The following TTC29 variants were observed in gnomAD, a reference collection of about 807,000 sequenced individuals.
The protein encoded by TTC29 is tetratricopeptide repeat domain 29, also known as tetratricopeptide repeat protein 29.
Under a neutral mutation model 58.1 loss-of-function variants are expected in TTC29, and 49 were observed. The observed-to-expected ratio is 0.84, with a 90% CI of 0.67 to 1.07. The LOEUF (loss-of-function observed/expected upper bound fraction) is 1.07, where lower values mean the gene tolerates loss of function less well. Ranked by LOEUF, TTC29 falls within the 50% of genes least tolerant of loss-of-function variation. The pLI is 0.00. For synonymous variants in TTC29, 209 were observed against 196.8 expected, an observed-to-expected ratio of 1.06 and a Z score of -0.52; for missense variants, 582 against 555.6, an observed-to-expected ratio of 1.05 and a Z score of -0.48.
chr4:146,730,982 A>G (rs1377397777), intron 11 of TTC29, among the ~76,000 whole-genome samples: 1 of 152,202 alleles, frequency 6.6e-6, no homozygotes, highest in Non-Finnish European at 1.5e-5. Context: ...GAGAAACCAT[A>G]GCATTTTTCT....
chr4:146,819,997 C>A, intron 10 of TTC29, 128 bp downstream of exon 10: 3 of 1,208,040 alleles, frequency 2.5e-6, no homozygotes, highest in East Asian at 2.4e-5. Flanking sequence ...CTACACCCTG[C>A]AGTCCAGGGC....
chr4:146,895,683 A>G (rs1225153192), intron 6 of TTC29, among the ~76,000 whole-genome samples: 1 of 152,158 alleles, frequency 6.6e-6, no homozygotes, highest in Non-Finnish European at 1.5e-5. Flanking sequence ...TGATTAGAAC[A>G]GATTAAAGCT....
chr4:146,853,614 A>G (rs1729649128), intron 8 of TTC29, among the ~76,000 whole-genome samples: 1 of 152,170 alleles, frequency 6.6e-6, no homozygotes, highest in Non-Finnish European at 1.5e-5. Flanking sequence ...TGATTTTATG[A>G]ACAATATTAC....
chr4:146,893,362 TC>T (rs1178133621), intron 6 of TTC29, among the ~76,000 whole-genome samples: 3 of 152,086 alleles, frequency 2.0e-5, no homozygotes, highest in Non-Finnish European at 4.4e-5. Flanking sequence ...AACAGAGCCC[TC>T]AAAAATAATG....
intron 11 of TTC29, among the ~76,000 whole-genome samples, chr4:146,776,332 G>A (rs1030928317): frequency 6.6e-6 from 1 of 152,072 alleles, no homozygotes; most frequent in African/African-American, 2.4e-5. Context: ...GGGAACTAGT[G>A]GTAAGAAGAC....
intron 11 of TTC29, among the ~76,000 whole-genome samples, chr4:146,801,222 G>T (rs771328150): frequency 2.0e-5 from 3 of 152,208 alleles, no homozygotes; most frequent in East Asian, 3.9e-4. Context: ...GGTTCAAGAA[G>T]TATTTTTGAA....
At chr4:146,936,669 C>A (rs1246356637) in intron 4 of TTC29, among the ~76,000 whole-genome samples, 1 of 151,956 alleles carries the variant, frequency 6.6e-6, no homozygotes, top group Non-Finnish European at 1.5e-5. Context: ...CTGTGTTTTT[C>A]CATGTTATAT....
At chr4:146,892,276 G>C (rs1000124760) in intron 6 of TTC29, among the ~76,000 whole-genome samples, 1 of 152,094 alleles carries the variant, frequency 6.6e-6, no homozygotes, top group Non-Finnish European at 1.5e-5. Context: ...TGAGTTTCCT[G>C]AGGCCACCAC....
intron 3 of TTC29, 45 bp from the exon 4 acceptor site, chr4:146,937,722 TG>T: frequency 8.4e-7 from 1 of 1,187,746 alleles, no homozygotes; most frequent in Non-Finnish European, 1.2e-6. Flanking sequence ...CTTATCAAGT[TG>T]AAAAGCTACC....
chr4:146,856,384 T>A (rs1357014553), intron 8 of TTC29, among the ~76,000 whole-genome samples: 1 of 152,032 alleles, frequency 6.6e-6, no homozygotes, highest in East Asian at 1.9e-4. Context: ...TAAAACCAGC[T>A]TTCATGTTAA....
chr4:146,911,793 C>T (rs1733915251), intron 4 of TTC29, among the ~76,000 whole-genome samples: 1 of 152,176 alleles, frequency 6.6e-6, no homozygotes, highest in Non-Finnish European at 1.5e-5. Context: ...AACATTCCTG[C>T]AACCACTAGC....
At chr4:146,895,255 C>A (rs1287811794) in intron 6 of TTC29, among the ~76,000 whole-genome samples, 1 of 152,118 alleles carries the variant, frequency 6.6e-6, no homozygotes, top group Non-Finnish European at 1.5e-5. Context: ...CAGGAGCTTC[C>A]AAGAAACTTG....
At chr4:146,765,739 AAGAC>A (rs1747263769) in intron 11 of TTC29, among the ~76,000 whole-genome samples, 1 of 152,156 alleles carries the variant, frequency 6.6e-6, no homozygotes, top group African/African-American at 2.4e-5. Context: ...CAGCCTTCAT[AAGAC>A]AGACAGACCT....
intron 5 of TTC29, among the ~76,000 whole-genome samples, chr4:146,905,588 G>T (rs1231742257): frequency 6.6e-6 from 1 of 151,976 alleles, no homozygotes; most frequent in South Asian, 2.1e-4. Flanking sequence ...CCAAATATGT[G>T]TCCTGTACCC....
intron 11 of TTC29, among the ~76,000 whole-genome samples, chr4:146,713,621 G>A (rs912759868): frequency 2.6e-5 from 4 of 152,132 alleles, no homozygotes; most frequent in African/African-American, 9.6e-5. Flanking sequence ...GTCAAAAACT[G>A]ACGTGTTCTT....
Position 146,833,801 on chromosome 4 carries a change from C to T in TTC29, c.977+5G>A, listed in dbSNP as rs2150157973. Reference sequence around the variant, plus strand: ...TGACAGCAAGATGAGAATGTGCTAACTTACCTCTGCAGGACCTTGGCTATG... The same window carrying T: ...TGACAGCAAGATGAGAATGTGCTAATTTACCTCTGCAGGACCTTGGCTATG... On this transcript the variant is annotated splice_donor_5th_base_variant and intron_variant, in intron 9 of 12. Coordinates refer to ENST00000325106, the MANE Select transcript of TTC29 (RefSeq NM_031956.4). The T allele has an allele frequency of 6.2e-7, 1 of 1,610,786 alleles. No individual in the cohort carries two copies.
intron 6 of TTC29, among the ~76,000 whole-genome samples, chr4:146,894,123 G>A (rs1272720636): frequency 1.3e-5 from 2 of 152,148 alleles, no homozygotes; most frequent in African/African-American, 2.4e-5. Flanking sequence ...TCAATATGGC[G>A]ATTCCTCAGG....
chr4:146,861,154 A>G (rs1037235639), intron 8 of TTC29, among the ~76,000 whole-genome samples: 2 of 152,216 alleles, frequency 1.3e-5, no homozygotes, highest in African/African-American at 4.8e-5. Context: ...AAGGAAATTC[A>G]TACATAAAAA....
At chr4:146,804,306 C>T (rs886164299) in intron 10 of TTC29, among the ~76,000 whole-genome samples, 3 of 152,242 alleles carry the variant, frequency 2.0e-5, no homozygotes, top group East Asian at 1.9e-4. Context: ...AACAGGGCGG[C>T]TGTTTGGGTA....
Sources: allele counts gnomAD v4.1 joint callset (sites outside exome capture counted in the v4.1 genomes callset), GRCh38; gene constraint gnomAD v4.1.1; transcripts MANE v1.5; gene names NCBI Gene and HGNC (gene_info 2026-07-23, HGNC 2026-07-21).